CHRNB3: variants seen among roughly 807,000 people sequenced by gnomAD.
CHRNB3 encodes neuronal acetylcholine receptor subunit beta-3.
Under a neutral mutation model 40.6 loss-of-function variants are expected in CHRNB3, and 37 were observed. The ratio of observed to expected loss-of-function variants is 0.91; its 90% confidence interval spans 0.70 to 1.20. The LOEUF is 1.20. Among genes scored for constraint, CHRNB3 ranks in the 50% most tolerant of loss-of-function variants. The probability of loss-of-function intolerance (pLI) is 0.00; values close to 1 mark genes in which losing one functional copy is unlikely to be tolerated. For synonymous variants in CHRNB3, 207 were observed against 207.1 expected (o/e 1.00, Z 0.00); for missense variants, 505 against 551.2 (o/e 0.92, Z 0.84).
At chr8:42,722,322 G>A (rs747041956) in intron 3 of CHRNB3, among the ~76,000 whole-genome samples, 2 of 151,500 alleles carry the variant, frequency 1.3e-5, no homozygotes, top group Non-Finnish European at 1.5e-5. Flanking sequence ...CAGAGATCGC[G>A]CCACTGCACT....
chr8:42,712,777 G>A (rs998381313), intron 3 of CHRNB3, among the ~76,000 whole-genome samples: 4 of 150,674 alleles, frequency 2.7e-5, no homozygotes, highest in African/African-American at 9.7e-5. Flanking sequence ...CTCTTAAGGT[G>A]AAAACAGGCT....
intron 3 of CHRNB3, among the ~76,000 whole-genome samples, chr8:42,724,419 C>T (rs756343991): frequency 6.6e-6 from 1 of 152,094 alleles, no homozygotes; most frequent in Non-Finnish European, 1.5e-5. Context: ...AACATAGACT[C>T]ACAGCAGAGA....
intron 3 of CHRNB3, among the ~76,000 whole-genome samples, chr8:42,722,185 C>A (rs1424986920): frequency 6.6e-6 from 1 of 151,974 alleles, no homozygotes; most frequent in Non-Finnish European, 1.5e-5. Context: ...ACCAGCCTGA[C>A]CGACATGGCA....
chr8:42,706,518 G>A (rs1396560813), intron 1 of CHRNB3, among the ~76,000 whole-genome samples: 2 of 152,090 alleles, frequency 1.3e-5, no homozygotes, highest in African/African-American at 4.8e-5. Context: ...TGGAGACAGT[G>A]GGGAACAATC....
chr8:42,698,902 TAC>T (rs1162258536), intron 1 of CHRNB3, among the ~76,000 whole-genome samples: 1 of 152,254 alleles, frequency 6.6e-6, no homozygotes, highest in African/African-American at 2.4e-5. Flanking sequence ...GTCCTCTGTG[TAC>T]AATCATGATT....
intron 2 of CHRNB3, among the ~76,000 whole-genome samples, chr8:42,709,399 GTT>G (rs1198285112): frequency 0.011 from 1,674 of 152,204 alleles, 34 homozygotes; most frequent in African/African-American, 0.039. Context: ...TCATGATTGT[GTT>G]CTTAGAAGAA....
At chr8:42,704,443 G>A (rs13280604) in intron 1 of CHRNB3, 95,163 of 152,102 alleles carry the variant, frequency 0.63, 33,726 homozygotes, top group East Asian at 0.81. Flanking sequence ...ATCTTGGTGA[G>A]GAGCAGGATT....
At chr8:42,699,018 C>T (rs982462105) in intron 1 of CHRNB3, among the ~76,000 whole-genome samples, 2 of 152,206 alleles carry the variant, frequency 1.3e-5, no homozygotes, top group African/African-American at 4.8e-5. Flanking sequence ...TATAATAAAT[C>T]TAATAACCTG....
chr8:42,734,519 G>C (rs1018106276), intron 5 of CHRNB3, among the ~76,000 whole-genome samples: 1 of 149,738 alleles, frequency 6.7e-6, no homozygotes, highest in African/African-American at 2.5e-5. Flanking sequence ...TTCCGGGTTC[G>C]TGCCATTCTC....
chr8:42,723,105 G>T (rs1324167832), intron 3 of CHRNB3, among the ~76,000 whole-genome samples: 3 of 127,476 alleles, frequency 2.4e-5, no homozygotes, highest in Non-Finnish European at 5.2e-5. Context: ...CTAAAATATC[G>T]AATAGGATAT....
At chr8:42,701,638 A>G (rs1366463907) in intron 1 of CHRNB3, among the ~76,000 whole-genome samples, 2 of 152,202 alleles carry the variant, frequency 1.3e-5, no homozygotes, top group Non-Finnish European at 2.9e-5. Flanking sequence ...GACCTTATCA[A>G]TATCTTTCAT....
chr8:42,732,658 A>G, intron 5 of CHRNB3, 109 bp downstream of exon 5: 4 of 996,744 alleles, frequency 4.0e-6, no homozygotes, highest in South Asian at 3.8e-5. Context: ...GTGACGTTAT[A>G]TAAGACATGC....
chr8:42,712,723 A>G (rs942403221), intron 3 of CHRNB3, among the ~76,000 whole-genome samples: 11 of 152,152 alleles, frequency 7.2e-5, no homozygotes, highest in African/African-American at 2.7e-4. Flanking sequence ...CCAAGAAGAA[A>G]TCCTATATTC....
chr8:42,716,225 C>T (rs1816101957), intron 3 of CHRNB3, among the ~76,000 whole-genome samples: 1 of 152,134 alleles, frequency 6.6e-6, no homozygotes, highest in African/African-American at 2.4e-5. Context: ...TATCCACCCG[C>T]CTTGGCCTCC....
chr8:42,708,571 G>A, intron 1 of CHRNB3, 146 bp from the exon 2 acceptor site: 2 of 756,136 alleles, frequency 2.6e-6, no homozygotes, highest in South Asian at 3.9e-5. Flanking sequence ...ACTCTTGCAT[G>A]CTCCAAGTTG....
intron 3 of CHRNB3, among the ~76,000 whole-genome samples, chr8:42,723,002 TTAGA>T (rs758491286): frequency 4.0e-4 from 61 of 152,154 alleles, no homozygotes; most frequent in Non-Finnish European, 6.2e-4. Context: ...ATCCTATTAC[TTAGA>T]TATTTACTAA....
chr8:42,713,543 A>G (rs930763718), intron 3 of CHRNB3, among the ~76,000 whole-genome samples: 16 of 152,132 alleles, frequency 1.1e-4, no homozygotes, highest in Non-Finnish European at 1.6e-4. Flanking sequence ...TTTGGGTATA[A>G]ATATGTAAGG....
chr8:42,730,987 G>C (rs1816405381), intron 4 of CHRNB3, among the ~76,000 whole-genome samples: 1 of 145,186 alleles, frequency 6.9e-6, no homozygotes, highest in South Asian at 2.2e-4. Context: ...AGCGGAGCTT[G>C]CAGTGAGCCG....
chr8:42,706,524 CA>C (rs1365368030), intron 1 of CHRNB3, among the ~76,000 whole-genome samples: 1 of 151,986 alleles, frequency 6.6e-6, no homozygotes, highest in Non-Finnish European at 1.5e-5. Flanking sequence ...CAGTGGGGAA[CA>C]ATCAGGGCTG....
Sources: allele counts gnomAD v4.1 joint callset (sites outside exome capture counted in the v4.1 genomes callset), GRCh38; gene constraint gnomAD v4.1.1; transcripts MANE v1.5; gene names NCBI Gene and HGNC (gene_info 2026-07-23, HGNC 2026-07-21).